TMEM147: variants seen among roughly 807,000 people sequenced by gnomAD.
TMEM147 encodes BOS complex subunit TMEM147.
Under a neutral mutation model 29.4 loss-of-function variants are expected in TMEM147, and 29 were observed. That is an observed-to-expected ratio of 0.99 (90% CI 0.73 to 1.34). TMEM147 has a LOEUF of 1.34. TMEM147 is among the 40% of genes most tolerant of loss of function. TMEM147 has a pLI of 0.00. For synonymous variants in TMEM147, 121 were observed against 111.8 expected (o/e 1.08, Z -0.52); for missense variants, 260 against 289.4 (o/e 0.90, Z 0.74).
In TMEM147 at chr19:35,545,813, G is replaced by A. The variant is rs1127676; in HGVS notation, c.74G>A (p.Gly25Asp). ...FPYFITYKCS[G>D]LSEYNAFWKC... ...TACTTCATCACCTACAAGTGCAGCG[G>A]CCTGTGAGTGCGGGAAGGGCGCGGG... Residue 25 changes from glycine (G) to aspartate (D), a missense_variant, in exon 1 of 7, where the codon GGC becomes GAC. Coordinates refer to ENST00000222284, the MANE Select transcript of TMEM147 (RefSeq NM_032635.4). The A allele has an allele frequency of 6.2e-7, 1 of 1,613,878 alleles. No individual in the cohort carries two copies. Among genetic ancestry groups the A allele is most frequent in the Non-Finnish European group, 8.5e-7 (1 of 1,179,880 alleles).
At position 35,547,491 on chromosome 19, in the gene TMEM147, C is replaced by A. The variant is rs200569647; in HGVS notation, c.*44C>A. The A allele has an allele frequency of 4.7e-4, 745 of 1,600,352 alleles. 7 individuals are homozygous for A. In the South Asian group the frequency reaches 6.9e-3, roughly 15 times the overall value. On this transcript the variant is annotated 3_prime_UTR_variant, in exon 7 of 7. Transcript: ENST00000222284. ...TGATGTACCTTTTCCCTGCCTCACT[C>A]CAGGTTTTAGTGAAGTAAACAGTAT...
At position 35,547,180 on chromosome 19, in the gene TMEM147, C is replaced by T; in HGVS notation, c.491C>T (p.Thr164Ile). 6.2e-7 allele frequency: 1 copy of T among 1,614,212 alleles called. No individual in the cohort carries two copies. The highest frequency in any genetic ancestry group is 8.5e-7 in the Non-Finnish European group (1 of 1,180,044). ...ATAACACGCTATGATCTGTACCACA[C>T]CTTCCGGCCAGCTGTCCTCCTGCTG... ...WMITRYDLYH[T>I]FRPAVLLLMF... Residue 164 changes from threonine to isoleucine, a missense_variant, in exon 6 of 7, where the codon ACC becomes ATC. Physicochemically the swap from Thr to Ile is moderately conservative, Grantham distance 89 (BLOSUM62 -1). Transcript: ENST00000222284.
chr19:35,545,958 G>A lies in TMEM147; in HGVS notation c.147+1G>A. ...CTACCTCTTTGTCCAACTCTGCAAGGTGAGGGCCACCGGGAAGCCACGTGT... is the reference window on the plus strand; with the variant it reads ...CTACCTCTTTGTCCAACTCTGCAAGATGAGGGCCACCGGGAAGCCACGTGT... On this transcript the variant is annotated splice_donor_variant, in intron 2 of 6. Transcript: ENST00000222284. LOFTEE classifies it high-confidence loss of function. 1 of 1,613,298 alleles carries A rather than the reference G, an allele frequency of 6.2e-7. No individual in the cohort carries two copies. The highest frequency in any genetic ancestry group is 2.2e-5 in the East Asian group (1 of 44,860).
intron 2 of TMEM147, 125 bp downstream of exon 2, chr19:35,546,082 G>C: frequency 1.9e-6 from 2 of 1,064,654 alleles, no homozygotes; most frequent in East Asian, 2.6e-5. Context: ...TCCGCACTGG[G>C]AGGCGTCAGG....
rs1211669969 is a variant in TMEM147 at position 35,546,559 on chromosome 19, G to A, written c.181G>A (p.Glu61Lys). ...LFLATFFPTW[E>K]GGIYDFIGEF... ...CTTGGCCACTTTCTTTCCCACCTGG[G>A]AAGGCGGCATCTATGACTTCATTGG... The change falls in exon 3 of 7, where the codon GAA (glutamate) becomes AAA (lysine). Residue 61 changes from glutamate to lysine, a missense_variant. By Grantham distance (56) the Glu-to-Lys change is moderately conservative. Transcript: ENST00000222284. The A allele has an allele frequency of 6.2e-7, 1 of 1,613,598 alleles. No homozygotes were observed. Among genetic ancestry groups the A allele is most frequent in the South Asian group, 1.1e-5 (1 of 90,920 alleles).
In TMEM147 at chr19:35,545,954, C is replaced by G. The variant is rs374609274; in HGVS notation, c.144C>G (p.Cys48Trp). ...TCACCTACCTCTTTGTCCAACTCTGCAAGGTGAGGGCCACCGGGAAGCCAC... is the reference window on the plus strand; with the variant it reads ...TCACCTACCTCTTTGTCCAACTCTGGAAGGTGAGGGCCACCGGGAAGCCAC... ...AGVTYLFVQL[C>W]KMLFLATFFP... Residue 48 changes from cysteine (C) to tryptophan (W), a missense_variant, in exon 2 of 7, where the codon TGC (cysteine) becomes TGG (tryptophan). By Grantham distance (215) the Cys-to-Trp change is radical. Transcript: ENST00000222284. 1.2e-6 allele frequency: 2 copies of G among 1,613,312 alleles called. No homozygotes were observed. Among genetic ancestry groups the G allele is most frequent in the East Asian group, 4.5e-5 (2 of 44,866 alleles).
intron 2 of TMEM147, chr19:35,546,232 G>A: frequency 1.7e-6 from 1 of 600,692 alleles, no homozygotes; most frequent in Non-Finnish European, 2.9e-6. Flanking sequence ...GGTTAAGAGT[G>A]ATCACTGATT....
At position 35,545,907 on chromosome 19, in the gene TMEM147, T is replaced by G. The variant is rs2071550261; in HGVS notation, c.97T>G (p.Trp33Gly). 6.2e-7 allele frequency: 1 copy of G among 1,614,012 alleles called. No individual in the cohort carries two copies. Among genetic ancestry groups the G allele is most frequent in the East Asian group, 2.2e-5 (1 of 44,868 alleles). ...CSGLSEYNAF[W>G]KCVQAGVTYL... The stretch of plus-strand genomic sequence containing the variant: ...CTCCAGGTCCGAGTACAACGCCTTC[T>G]GGAAATGCGTCCAGGCTGGAGTCAC... The change falls in exon 2 of 7, where the codon TGG (tryptophan) becomes GGG (glycine). Residue 33 changes from tryptophan (W) to glycine (G), a missense_variant. By Grantham distance (184) the Trp-to-Gly change is radical. Transcript: ENST00000222284.
At position 35,547,151 on chromosome 19, in the gene TMEM147, G is replaced by A; in HGVS notation, c.462G>A (p.Trp154Ter). ...ACATCGTCGCGTCTGCTCAGGTCTG[G>A]ATGATAACACGCTATGATCTGTACC... ...VHYIVASAQV[W>*]MITRYDLYHT... Residue 154 changes from tryptophan (W) to a stop codon, truncating the protein, a stop_gained, in exon 6 of 7, where the codon TGG (tryptophan) becomes TGA (stop). Coordinates refer to ENST00000222284, the MANE Select transcript of TMEM147 (RefSeq NM_032635.4). LOFTEE classifies it high-confidence loss of function. The A allele has an allele frequency of 1.2e-6, 2 of 1,614,108 alleles. No homozygotes were observed. Among genetic ancestry groups the A allele is most frequent in the Non-Finnish European group, 1.7e-6 (2 of 1,180,006 alleles).
intron 2 of TMEM147, chr19:35,546,198 T>G (rs2071554919): frequency 1.6e-6 from 1 of 615,454 alleles, no homozygotes; most frequent in Non-Finnish European, 2.8e-6. Flanking sequence ...GTAGTGTGGT[T>G]GGCTAACAGG....
chr19:35,546,497 A>T (rs2071558437), intron 2 of TMEM147, 29 bp from the exon 3 acceptor site: 1 of 1,601,916 alleles, frequency 6.2e-7, no homozygotes, highest in African/African-American at 1.3e-5. Context: ...CTCACCTTGA[A>T]GTGACCTCTT....
rs753333991 is a variant in TMEM147 at position 35,546,954 on chromosome 19, C to G, written c.354C>G (p.Pro118=). The G allele has an allele frequency of 1.2e-6, 2 of 1,614,154 alleles. No homozygotes were observed. Among genetic ancestry groups the G allele is most frequent in the South Asian group, 1.1e-5 (1 of 91,078 alleles). Residue 118 remains proline, a synonymous_variant, in exon 5 of 7, where the codon CCC becomes CCG. Transcript: ENST00000222284. ...CCTTTGCCTTCCTCAGCTGCATTCC[C>G]CTATGGGTCGGAGCCCGGGGCATTG... ...TAELIMSRCI[P]LWVGARGIEF...
rs1487905026 is a variant in TMEM147, at chr19:35,546,113, T to C, written c.147+156T>C. 3.5e-6 allele frequency: 3 copies of C among 847,702 alleles called. No individual in the cohort carries two copies. In the African/African-American group the frequency reaches 5.1e-5, roughly 14 times the overall value. The allele number at this position is 847,702 out of a possible 1,614,324, so 52.5% of individuals were successfully genotyped here. A position where few individuals can be genotyped will look rare whatever the true frequency, so the allele number is the denominator to read the frequency against. ...TCAGGATACCTAGAGAGGATGGACT[T>C]TAAAGAGGGCACGACCTGAGAAGAG... On this transcript the variant is annotated intron_variant, in intron 2 of 6. Transcript: ENST00000222284.
Position 35,545,802 on chromosome 19 carries a change from C to T in TMEM147, c.63C>T (p.Tyr21=). ...ALAYFPYFIT[Y]KCSGLSEYNA... ...CCTACTTCCCCTACTTCATCACCTA[C>T]AAGTGCAGCGGCCTGTGAGTGCGGG... Residue 21 remains tyrosine, a synonymous_variant, in exon 1 of 7, where the codon TAC becomes TAT. Transcript: ENST00000222284. The T allele has an allele frequency of 5.0e-6, 8 of 1,613,904 alleles. No individual in the cohort carries two copies. Among genetic ancestry groups the T allele is most frequent in the Non-Finnish European group, 6.8e-6 (8 of 1,179,898 alleles).
intron 2 of TMEM147, 163 bp from the exon 3 acceptor site, chr19:35,546,363 T>C: frequency 1.3e-6 from 1 of 799,364 alleles, no homozygotes; most frequent in Non-Finnish European, 1.9e-6. Context: ...ATCCTCTATC[T>C]CCCCGATTCC....
In TMEM147 at chr19:35,546,648, C is replaced by T. The variant is rs760135776; in HGVS notation, c.208-24C>T. ...GGGGCTCCCTGTCCCCCTGTGCTTA[C>T]TTAAGCCTCAACCTGACCCGCAGGA... On this transcript the variant is annotated intron_variant, in intron 3 of 6. Transcript: ENST00000222284. 4.3e-6 allele frequency: 7 copies of T among 1,610,252 alleles called. No homozygotes were observed. In the South Asian group the frequency reaches 5.5e-5, roughly 13 times the overall value.
chr19:35,546,027 C>T (rs888469871), intron 2 of TMEM147, 70 bp downstream of exon 2: 4 of 1,524,042 alleles, frequency 2.6e-6, no homozygotes, highest in Admixed American at 1.9e-5. Context: ...GCCCCCGTTG[C>T]CTATCCGCGC....
chr19:35,547,028 T>C lies in TMEM147; in HGVS notation c.428T>C (p.Leu143Pro). 1 of 1,614,240 alleles carries C rather than the reference T, an allele frequency of 6.2e-7. No individual in the cohort carries two copies. The highest frequency in any genetic ancestry group is 8.5e-7 in the Non-Finnish European group (1 of 1,180,034). Reference sequence around the variant, plus strand: ...ATGAGCATAGACTCCAACATCAGTCTGGTAGGCAGTCGTGCTCTCCCACAT... The same window carrying C: ...ATGAGCATAGACTCCAACATCAGTCCGGTAGGCAGTCGTGCTCTCCCACAT... ...IQMSIDSNIS[L>P]VHYIVASAQV... Residue 143 changes from leucine to proline, a missense_variant and splice_region_variant, in exon 5 of 7, where the codon CTG becomes CCG. By Grantham distance (98) the Leu-to-Pro change is moderately conservative (BLOSUM62 -3). Transcript: ENST00000222284.
rs773355688 is a variant in TMEM147, at chr19:35,546,619, G to A, written c.207+34G>A. On this transcript the variant is annotated intron_variant, in intron 3 of 6. Coordinates refer to ENST00000222284, the MANE Select transcript of TMEM147 (RefSeq NM_032635.4). ...GGCCAGGGAAGGGAAGGGAGTTCAG[G>A]AATGGGGCTCCCTGTCCCCCTGTGC... The A allele has an allele frequency of 3.7e-6, 6 of 1,610,128 alleles. No homozygotes were observed. The Admixed American group carries it at 5.0e-5, about 13-fold the overall frequency.
Sources: allele counts gnomAD v4.1 joint callset, GRCh38; gene constraint gnomAD v4.1.1; transcripts MANE v1.5; gene names NCBI Gene and HGNC (gene_info 2026-07-23, HGNC 2026-07-21).